Variants in SYN3 observed in about 807,000 individuals in gnomAD.
SYN3 encodes the protein synapsin-3.
Under a neutral mutation model 65.8 loss-of-function variants are expected in SYN3, and 35 were observed. The ratio of observed to expected loss-of-function variants is 0.53; its 90% CI spans 0.41 to 0.70. The LOEUF (loss-of-function observed/expected upper bound fraction) is 0.70. Ranked by LOEUF, SYN3 falls within the 30% of genes least tolerant of loss-of-function variation. SYN3 has a pLI of 0.00. For missense variants in SYN3, 680 were observed against 749.0 expected, an observed-to-expected ratio of 0.91 and a Z score of 1.08; for synonymous variants, 270 against 292.9, an observed-to-expected ratio of 0.92 and a Z score of 0.80.
intron 1 of SYN3, among the ~76,000 whole-genome samples, chr22:33,055,027 A>G (rs1224561308): frequency 6.6e-6 from 1 of 152,200 alleles, no homozygotes; most frequent in African/African-American, 2.4e-5. Context: ...TATCTCACTG[A>G]GCTTCCAACT....
At chr22:32,749,968 A>G (rs978238107) in intron 6 of SYN3, among the ~76,000 whole-genome samples, 3 of 152,166 alleles carry the variant, frequency 2.0e-5, no homozygotes, top group African/African-American at 7.2e-5. Flanking sequence ...CTACTAGTAG[A>G]GTTCAAGGCC....
At chr22:32,987,400 G>A (rs867720475) in intron 2 of SYN3, among the ~76,000 whole-genome samples, 36 of 152,122 alleles carry the variant, frequency 2.4e-4, no homozygotes, top group African/African-American at 7.2e-4. Context: ...ACCTTGGAAC[G>A]CAAAGGGACC....
chr22:33,033,331 A>G (rs1181129586), intron 1 of SYN3, among the ~76,000 whole-genome samples: 1 of 151,962 alleles, frequency 6.6e-6, no homozygotes, highest in African/African-American at 2.4e-5. Flanking sequence ...TATGTTGTAG[A>G]GCTTGGTTTT....
intron 6 of SYN3, among the ~76,000 whole-genome samples, chr22:32,855,967 C>T (rs550703974): frequency 3.3e-5 from 5 of 152,140 alleles, no homozygotes; most frequent in African/African-American, 4.8e-5. Context: ...CTGGGATAAA[C>T]GAACCCAATG....
chr22:32,739,043 G>A (rs2061368313), intron 6 of SYN3, among the ~76,000 whole-genome samples: 1 of 152,184 alleles, frequency 6.6e-6, no homozygotes, highest in South Asian at 2.1e-4. Flanking sequence ...ATTTTGGCAG[G>A]AAAGAGGGGA....
chr22:33,045,538 G>A (rs2145952137), intron 1 of SYN3, among the ~76,000 whole-genome samples: 1 of 128,828 alleles, frequency 7.8e-6, no homozygotes, highest in African/African-American at 2.9e-5. Flanking sequence ...CATGATCTCA[G>A]CTCACTGCAA....
intron 4 of SYN3, among the ~76,000 whole-genome samples, chr22:32,871,705 T>C (rs2048853900): frequency 6.6e-6 from 1 of 152,236 alleles, no homozygotes; most frequent in East Asian, 1.9e-4. Flanking sequence ...ACTCCTGGGC[T>C]CAAGCGATCC....
chr22:33,046,957 C>G (rs141641128), intron 1 of SYN3, among the ~76,000 whole-genome samples: 6 of 152,156 alleles, frequency 3.9e-5, no homozygotes, highest in African/African-American at 1.2e-4. Flanking sequence ...TCCCTTCCCC[C>G]ACCTCTTACC....
At chr22:32,733,505 G>A (rs2061297441) in intron 6 of SYN3, among the ~76,000 whole-genome samples, 1 of 152,228 alleles carries the variant, frequency 6.6e-6, no homozygotes, top group African/African-American at 2.4e-5. Flanking sequence ...TCTGAGCCCA[G>A]GAGAGTGGTT....
intron 3 of SYN3, among the ~76,000 whole-genome samples, chr22:32,949,240 C>T (rs574036116): frequency 6.6e-6 from 1 of 151,912 alleles, no homozygotes. Flanking sequence ...AGGTAAGACC[C>T]TTATATCTTT....
At chr22:32,677,506 G>T (rs1259770642) in intron 6 of SYN3, among the ~76,000 whole-genome samples, 2 of 152,146 alleles carry the variant, frequency 1.3e-5, no homozygotes, top group African/African-American at 2.4e-5. Flanking sequence ...ATATCAAAAT[G>T]ACACAAGATT....
intron 6 of SYN3, among the ~76,000 whole-genome samples, chr22:32,813,670 T>C (rs2046977630): frequency 6.6e-6 from 1 of 151,718 alleles, no homozygotes; most frequent in Non-Finnish European, 1.5e-5. Context: ...CCAATTTTTT[T>C]TTTTTTGGCA....
chr22:32,711,104 C>A (rs367808297), intron 6 of SYN3, among the ~76,000 whole-genome samples: 1 of 152,022 alleles, frequency 6.6e-6, no homozygotes, highest in East Asian at 1.9e-4. Flanking sequence ...TGAGGTGGGT[C>A]TTTGGACATG....
intron 4 of SYN3, among the ~76,000 whole-genome samples, chr22:32,875,612 A>ATGAC (rs1569295564): frequency 6.6e-6 from 1 of 152,172 alleles, no homozygotes; most frequent in African/African-American, 2.4e-5. Context: ...CCCTAACCCA[A>ATGAC]TGACTGATGT....
chr22:32,707,836 G>C (rs1774093826), intron 6 of SYN3, among the ~76,000 whole-genome samples: 1 of 152,140 alleles, frequency 6.6e-6, no homozygotes, highest in East Asian at 1.9e-4. Flanking sequence ...TTCCATAAGG[G>C]CTCCTGGGCT....
chr22:32,560,833 G>A (rs1190553162), intron 7 of SYN3, among the ~76,000 whole-genome samples: 1 of 152,166 alleles, frequency 6.6e-6, no homozygotes, highest in Non-Finnish European at 1.5e-5. Context: ...CCTGTTGGAA[G>A]CCCACTTTCA....
intron 4 of SYN3, among the ~76,000 whole-genome samples, chr22:32,911,152 T>G (rs976211070): frequency 6.6e-6 from 1 of 152,216 alleles, no homozygotes; most frequent in Non-Finnish European, 1.5e-5. Context: ...GGAGCTCTGG[T>G]GTCAGCAGTC....
chr22:32,545,800 A>T (rs991004772), intron 7 of SYN3, among the ~76,000 whole-genome samples: 1 of 152,182 alleles, frequency 6.6e-6, no homozygotes, highest in Non-Finnish European at 1.5e-5. Flanking sequence ...ACCTCAAGTG[A>T]TCCACCCACC....
At chr22:33,033,928 T>C (rs538779283) in intron 1 of SYN3, among the ~76,000 whole-genome samples, 4 of 152,136 alleles carry the variant, frequency 2.6e-5, no homozygotes, top group African/African-American at 9.6e-5. Context: ...TTCACGCCTA[T>C]AATCCCAGCA....
Sources: allele counts gnomAD v4.1 joint callset (sites outside exome capture counted in the v4.1 genomes callset), GRCh38; gene constraint gnomAD v4.1.1; transcripts MANE v1.5; gene names NCBI Gene and HGNC (gene_info 2026-07-23, HGNC 2026-07-21).